Variants in FER observed in about 807,000 individuals in gnomAD.
The protein encoded by FER is tyrosine-protein kinase Fer.
FER carries 63 observed loss-of-function variants against 111.0 expected under a neutral mutation model. The ratio of observed to expected loss-of-function variants is 0.57; its 90% confidence interval spans 0.46 to 0.70. The LOEUF (loss-of-function observed/expected upper bound fraction) is 0.70. FER is among the 30% of genes least tolerant of loss of function. The probability of loss-of-function intolerance (pLI) is 0.00; values close to 1 mark genes in which losing one functional copy is unlikely to be tolerated. For synonymous variants in FER, 327 were observed against 313.9 expected, an observed-to-expected ratio of 1.04 and a Z score of -0.44; for missense variants, 914 against 954.0, an observed-to-expected ratio of 0.96 and a Z score of 0.55.
At chr5:108,929,883 A>G (rs1288549879) in intron 10 of FER, among the ~76,000 whole-genome samples, 1 of 152,238 alleles carries the variant, frequency 6.6e-6, no homozygotes, top group African/African-American at 2.4e-5. Context: ...CTGTTTGAAA[A>G]GACACAAATA....
intron 13 of FER, among the ~76,000 whole-genome samples, chr5:109,008,478 C>G (rs901515012): frequency 3.3e-5 from 5 of 152,094 alleles, no homozygotes; most frequent in African/African-American, 1.2e-4. Flanking sequence ...CAGTTATTTT[C>G]ACCTGTCCTA....
At chr5:109,177,296 T>C (rs1202107153) in intron 17 of FER, among the ~76,000 whole-genome samples, 1 of 152,050 alleles carries the variant, frequency 6.6e-6, no homozygotes, top group Non-Finnish European at 1.5e-5. Context: ...GGGTTGTTGG[T>C]TTTATGCCAT....
chr5:109,099,709 A>T (rs149507470), intron 16 of FER, among the ~76,000 whole-genome samples: 1,608 of 151,668 alleles, frequency 0.011, 25 homozygotes, highest in African/African-American at 0.036. Flanking sequence ...AAAATTTTTT[A>T]AAAATGTGGC....
chr5:109,186,255 C>A lies in FER; in HGVS notation c.2259C>A (p.Thr753=). The A allele has an allele frequency of 6.2e-7, 1 of 1,614,058 alleles. No homozygotes were observed. The highest frequency in any genetic ancestry group is 8.5e-7 in the Non-Finnish European group (1 of 1,179,984). The change falls in exon 19 of 20, where the codon ACC becomes ACA. Residue 753 remains threonine (T), a synonymous_variant. Transcript: ENST00000281092. ...GCTTTGGCATCCTTCTCTGGGAGAC[C>A]TTCAGCTTAGGGGTTTGTCCGTACC... The part of the protein sequence containing the change: ...VWSFGILLWE[T]FSLGVCPYPG...
At chr5:108,750,156 G>A (rs1016519242) in intron 1 of FER, among the ~76,000 whole-genome samples, 1 of 152,038 alleles carries the variant, frequency 6.6e-6, no homozygotes, top group Non-Finnish European at 1.5e-5. Context: ...CTCAGATGAG[G>A]TTACCATATA....
At chr5:109,093,553 A>T (rs1036226897) in intron 16 of FER, among the ~76,000 whole-genome samples, 1 of 152,188 alleles carries the variant, frequency 6.6e-6, no homozygotes, top group African/African-American at 2.4e-5. Context: ...ATTATTTAAT[A>T]AGATTGTATG....
chr5:108,881,641 C>G (rs1391716055), intron 8 of FER, among the ~76,000 whole-genome samples: 1 of 152,156 alleles, frequency 6.6e-6, no homozygotes, highest in African/African-American at 2.4e-5. Flanking sequence ...AAGATGTCAA[C>G]TGATTTGGGT....
chr5:108,931,744 C>T (rs1005646158), intron 10 of FER, among the ~76,000 whole-genome samples: 10 of 151,958 alleles, frequency 6.6e-5, no homozygotes, highest in East Asian at 3.9e-4. Context: ...GCAGGAGAAA[C>T]GCTTGAACCT....
At chr5:108,805,615 T>TA (rs1410589983) in intron 3 of FER, among the ~76,000 whole-genome samples, 1 of 152,152 alleles carries the variant, frequency 6.6e-6, no homozygotes. Flanking sequence ...CAGGCTGAGG[T>TA]AGTCTCAGAT....
At chr5:108,996,941 A>G (rs1306527440) in intron 13 of FER, among the ~76,000 whole-genome samples, 1 of 151,954 alleles carries the variant, frequency 6.6e-6, no homozygotes, top group African/African-American at 2.4e-5. Flanking sequence ...ACTTCCTTGT[A>G]CAGTGGTTTG....
At chr5:108,926,539 A>G (rs773639210) in intron 10 of FER, among the ~76,000 whole-genome samples, 4 of 152,214 alleles carry the variant, frequency 2.6e-5, no homozygotes, top group Non-Finnish European at 4.4e-5. Context: ...AAACAATTCA[A>G]CAAGTACATA....
intron 8 of FER, among the ~76,000 whole-genome samples, chr5:108,876,736 A>T (rs577324091): frequency 6.6e-6 from 1 of 152,186 alleles, no homozygotes; most frequent in Non-Finnish European, 1.5e-5. Flanking sequence ...TGTACTGTAC[A>T]AATGTGAAAG....
intron 12 of FER, 25 bp downstream of exon 12, chr5:108,954,957 G>A (rs201736987): frequency 1.9e-6 from 3 of 1,576,206 alleles, no homozygotes; most frequent in East Asian, 4.5e-5. Context: ...TAGTTCATAT[G>A]TATATTTTGA....
intron 17 of FER, among the ~76,000 whole-genome samples, chr5:109,104,190 A>G (rs1748600660): frequency 6.6e-6 from 1 of 152,240 alleles, no homozygotes; most frequent in Admixed American, 6.5e-5. Flanking sequence ...TAAGCTAACA[A>G]CTTTACAAAT....
chr5:109,136,753 C>A (rs1414661135), intron 17 of FER, among the ~76,000 whole-genome samples: 1 of 151,878 alleles, frequency 6.6e-6, no homozygotes, highest in Non-Finnish European at 1.5e-5. Flanking sequence ...CACTACCATG[C>A]AAAACCTCTT....
At chr5:108,886,465 A>G (rs1301615298) in intron 9 of FER, among the ~76,000 whole-genome samples, 2 of 149,476 alleles carry the variant, frequency 1.3e-5, no homozygotes, top group Non-Finnish European at 3.0e-5. Context: ...ACATACATAA[A>G]TGTACATATA....
chr5:109,025,102 G>A (rs558502566), intron 13 of FER, among the ~76,000 whole-genome samples: 88 of 152,146 alleles, frequency 5.8e-4, no homozygotes, highest in African/African-American at 2.0e-3. Context: ...TGGCGATGTG[G>A]GCTCTGTTTT....
At chr5:109,120,367 T>G (rs187074667) in intron 17 of FER, among the ~76,000 whole-genome samples, 1 of 152,242 alleles carries the variant, frequency 6.6e-6, no homozygotes, top group African/African-American at 2.4e-5. Context: ...GACTGTCCTT[T>G]CCCTAATGTA....
At chr5:108,923,027 C>T (rs1289986566) in intron 10 of FER, among the ~76,000 whole-genome samples, 1 of 152,076 alleles carries the variant, frequency 6.6e-6, no homozygotes, top group Admixed American at 6.5e-5. Context: ...GCAAGTTAAA[C>T]TTTCTGTACC....
Sources: allele counts gnomAD v4.1 joint callset (sites outside exome capture counted in the v4.1 genomes callset), GRCh38; gene constraint gnomAD v4.1.1; transcripts MANE v1.5; gene names NCBI Gene and HGNC (gene_info 2026-07-23, HGNC 2026-07-21).